PLB1: variants seen among roughly 807,000 people sequenced by gnomAD.
PLB1 encodes phospholipase B1, also known as phospholipase B1, membrane-associated.
Under a neutral mutation model 227.4 loss-of-function variants are expected in PLB1, and 242 were observed. The observed-to-expected ratio is 1.06, with a 90% CI of 0.96 to 1.18. The LOEUF (loss-of-function observed/expected upper bound fraction) is 1.18. Ranked by LOEUF, PLB1 falls within the 50% of genes most tolerant of loss-of-function variation. PLB1 has a pLI of 0.00. For missense variants in PLB1, 1,858 were observed against 1,816.3 expected, an observed-to-expected ratio of 1.02 and a Z score of -0.42; for synonymous variants, 757 against 682.2, an observed-to-expected ratio of 1.11 and a Z score of -1.71.
chr2:28,520,832 G>A (rs1164063480), intron 4 of PLB1, among the ~76,000 whole-genome samples: 6 of 152,010 alleles, frequency 3.9e-5, no homozygotes, highest in South Asian at 2.1e-4. Flanking sequence ...AAAATTAGCC[G>A]GGCATGGTCG....
At chr2:28,528,232 CCTT>C (rs1402520541) in intron 6 of PLB1, among the ~76,000 whole-genome samples, 1 of 152,164 alleles carries the variant, frequency 6.6e-6, no homozygotes, top group Non-Finnish European at 1.5e-5. Flanking sequence ...TTTAAAGCCA[CCTT>C]CTGGATTCTG....
At chr2:28,534,942 AT>A (rs1311477833) in intron 9 of PLB1, among the ~76,000 whole-genome samples, 1 of 152,210 alleles carries the variant, frequency 6.6e-6, no homozygotes, top group East Asian at 1.9e-4. Flanking sequence ...AGGTGCGCAC[AT>A]TTTGGGTTTT....
intron 17 of PLB1, among the ~76,000 whole-genome samples, chr2:28,553,701 G>T (rs549512078): frequency 3.9e-5 from 6 of 152,174 alleles, no homozygotes; most frequent in African/African-American, 9.7e-5. Flanking sequence ...GTCCTAAAGG[G>T]GGGGGACTCA....
intron 16 of PLB1, among the ~76,000 whole-genome samples, chr2:28,550,525 ATTTT>A (rs34468949): frequency 3.8e-5 from 5 of 132,178 alleles, no homozygotes; most frequent in African/African-American, 5.8e-5. Context: ...CCTCAATACA[ATTTT>A]TTTTTTTTTT....
chr2:28,630,576 T>C lies in PLB1; in HGVS notation c.3819-10T>C, dbSNP rs1176470097. On this transcript the variant is annotated splice_polypyrimidine_tract_variant and intron_variant, in intron 53 of 57. Coordinates refer to ENST00000327757, the MANE Select transcript of PLB1 (RefSeq NM_153021.5). ...CAGGCAGCCTCAATACAACACTCCC[T>C]GTCTCACAGGAACAACTGCACTTGC... The C allele has an allele frequency of 2.5e-6, 4 of 1,610,658 alleles. No homozygotes were observed. The East Asian group carries it at 8.9e-5, about 36-fold the overall frequency.
intron 50 of PLB1, 22 bp from the exon 51 acceptor site, chr2:28,626,406 T>G (rs779599363): frequency 6.2e-7 from 1 of 1,610,172 alleles, no homozygotes; most frequent in East Asian, 2.2e-5. Context: ...AGGCCTAAAC[T>G]CAGGATCTTC....
At chr2:28,625,845 T>C (rs1687682556) in intron 50 of PLB1, among the ~76,000 whole-genome samples, 1 of 151,500 alleles carries the variant, frequency 6.6e-6, no homozygotes, top group African/African-American at 2.4e-5. Flanking sequence ...GACACAACTT[T>C]CTTAAGATTT....
At position 28,529,744 on chromosome 2, in the gene PLB1, G is replaced by T. The variant is rs147363629; in HGVS notation, c.433G>T (p.Ala145Ser). 103 of 1,613,972 alleles carry T rather than the reference G, an allele frequency of 6.4e-5. No individual in the cohort carries two copies. The African/African-American group carries it at 1.3e-3, about 20-fold the overall frequency. ...TCTGCACAGAGACTTGTGGATTCAG[G>T]CTCAAGAACTGGTGAGAAACATGAA... is the stretch of plus-strand genomic sequence containing the variant. ...HDGAEDLWIQ[A>S]QELVRNMKEN... Residue 145 changes from alanine (A) to serine (S), a missense_variant, in exon 8 of 58, where the codon GCT becomes TCT. Coordinates refer to ENST00000327757, the MANE Select transcript of PLB1 (RefSeq NM_153021.5).
intron 17 of PLB1, among the ~76,000 whole-genome samples, chr2:28,555,585 T>C (rs1477006978): frequency 2.0e-5 from 3 of 152,214 alleles, no homozygotes; most frequent in African/African-American, 7.2e-5. Flanking sequence ...CTGGAGATCA[T>C]GTTTGCAATT....
chr2:28,590,899 G>T (rs1558852320), intron 29 of PLB1, among the ~76,000 whole-genome samples: 2 of 152,192 alleles, frequency 1.3e-5, no homozygotes, highest in African/African-American at 2.4e-5. Flanking sequence ...GGAGGTGGAA[G>T]GAAGACAGGC....
chr2:28,618,313 C>A, intron 45 of PLB1, 28 bp from the exon 46 acceptor site: 1 of 1,611,186 alleles, frequency 6.2e-7, no homozygotes, highest in South Asian at 1.1e-5. Flanking sequence ...CCAGCCCCCA[C>A]AACCACCTCT....
chr2:28,605,995 G>A (rs1684622869), intron 42 of PLB1, 47 bp downstream of exon 42: 4 of 1,463,186 alleles, frequency 2.7e-6, no homozygotes, highest in Non-Finnish European at 3.8e-6. Flanking sequence ...CTAGTCTAGG[G>A]CAGGGCACCA....
intron 26 of PLB1, among the ~76,000 whole-genome samples, chr2:28,586,061 T>C (rs1189774008): frequency 6.6e-6 from 1 of 152,176 alleles, no homozygotes; most frequent in African/African-American, 2.4e-5. Flanking sequence ...ACCCACTGAA[T>C]CTCAGTTCCT....
chr2:28,518,425 A>G, intron 2 of PLB1, 41 bp from the exon 3 acceptor site: 3 of 1,462,098 alleles, frequency 2.1e-6, no homozygotes, highest in South Asian at 1.1e-5. Flanking sequence ...ATATTTCTAT[A>G]CAAGGCAGTT....
At chr2:28,639,435 G>A (rs975075061) in intron 56 of PLB1, among the ~76,000 whole-genome samples, 3 of 152,200 alleles carry the variant, frequency 2.0e-5, no homozygotes, top group Non-Finnish European at 2.9e-5. Flanking sequence ...TGGCTGGAGC[G>A]AGCAGCAGAG....
At chr2:28,611,110 G>A (rs1287559458) in intron 43 of PLB1, among the ~76,000 whole-genome samples, 2 of 152,016 alleles carry the variant, frequency 1.3e-5, no homozygotes, top group Non-Finnish European at 2.9e-5. Context: ...AAAAAGAAAA[G>A]AAGGGGAGGG....
At chr2:28,509,317 A>G (rs1183393997) in intron 1 of PLB1, among the ~76,000 whole-genome samples, 1 of 152,166 alleles carries the variant, frequency 6.6e-6, no homozygotes, top group Non-Finnish European at 1.5e-5. Context: ...TTGTAGAGTC[A>G]GGCTCTTAAC....
chr2:28,565,466 T>C, intron 19 of PLB1, 113 bp downstream of exon 19: 1 of 903,838 alleles, frequency 1.1e-6, no homozygotes, highest in Non-Finnish European at 1.7e-6. Flanking sequence ...ATTTTGTTCT[T>C]TTCTATGACC....
At chr2:28,570,314 A>AG (rs753169399) in intron 20 of PLB1, among the ~76,000 whole-genome samples, 5 of 152,234 alleles carry the variant, frequency 3.3e-5, no homozygotes, top group Non-Finnish European at 7.3e-5. Context: ...TGAAAAAAAA[A>AG]GTATACCTCA....
Sources: allele counts gnomAD v4.1 joint callset (sites outside exome capture counted in the v4.1 genomes callset), GRCh38; gene constraint gnomAD v4.1.1; transcripts MANE v1.5; gene names NCBI Gene and HGNC (gene_info 2026-07-23, HGNC 2026-07-21).